Variants in MYT1L observed in about 807,000 individuals in gnomAD.
MYT1L encodes the protein myelin transcription factor 1-like protein.
MYT1L carries 12 observed loss-of-function variants against 126.7 expected under a neutral mutation model. That is an observed-to-expected ratio of 0.09 (90% CI 0.06 to 0.15). The LOEUF (loss-of-function observed/expected upper bound fraction) is 0.15, where lower values mean the gene tolerates loss of function less well. Ranked by LOEUF, MYT1L falls within the 10% of genes least tolerant of loss-of-function variation. The pLI, the probability that MYT1L is intolerant of heterozygous loss-of-function variation, is 1.00. For synonymous variants in MYT1L, 541 were observed against 604.2 expected, an observed-to-expected ratio of 0.90 and a Z score of 1.53; for missense variants, 979 against 1,585.2, an observed-to-expected ratio of 0.62 and a Z score of 6.49.
intron 1 of MYT1L, chr2:2,303,421 A>AAG (rs2095814590): frequency 6.6e-6 from 1 of 152,428 alleles, no homozygotes; most frequent in Admixed American, 6.5e-5. Flanking sequence ...GCCAGTTCCT[A>AAG]CCAACTGATG....
intron 3 of MYT1L, among the ~76,000 whole-genome samples, chr2:2,129,167 C>G (rs1175231105): frequency 6.6e-6 from 1 of 152,194 alleles, no homozygotes; most frequent in African/African-American, 2.4e-5. Context: ...TGTGGTGATG[C>G]AGCAGATGCC....
chr2:1,793,418 C>A lies in MYT1L; in HGVS notation c.3277-954G>T, dbSNP rs559348691. Among the ~76,000 whole-genome samples the A allele has an allele frequency of 6.6e-6, 1 of 152,174 alleles. No homozygotes were observed. The highest frequency in any genetic ancestry group is 1.5e-5 in the Non-Finnish European group (1 of 68,026). The stretch of plus-strand genomic sequence containing the variant: ...GGGGCTTCTTCCTGGAAGACCGGGC[C>A]GACCCGCAGAGTCCAGGGCTGGCTT... On this transcript the variant is annotated intron_variant, in intron 23 of 24. Transcript: ENST00000647738. This position sits in a 1 kb window ranked among gnomAD's most constrained non-coding sequence, Gnocchi z 4.6.
chr2:2,262,180 G>A (rs2094985501), intron 2 of MYT1L, among the ~76,000 whole-genome samples: 1 of 152,120 alleles, frequency 6.6e-6, no homozygotes, highest in Non-Finnish European at 1.5e-5. Context: ...TGTGAAGTAG[G>A]TAAATAATCA....
In MYT1L at chr2:2,039,524, G is replaced by C. The variant is rs370035874; in HGVS notation, c.-158+14454C>G. 1.2e-4 allele frequency among the ~76,000 whole-genome samples: 18 copies of C among 152,304 alleles called. No individual in the cohort carries two copies. The East Asian group carries it at 1.7e-3, about 15-fold the overall frequency. ...TGACTGTTAGGGAAGTTTACCATTTGCAGGAATGTTCAAAGGTGAATTTAT... is the reference window on the plus strand; with the variant it reads ...TGACTGTTAGGGAAGTTTACCATTTCCAGGAATGTTCAAAGGTGAATTTAT... On this transcript the variant is annotated intron_variant, in intron 4 of 24. Transcript: ENST00000647738.
At chr2:1,809,051 C>G in intron 22 of MYT1L, 25 bp downstream of exon 22, 1 of 1,610,080 alleles carries the variant, frequency 6.2e-7, no homozygotes, top group Non-Finnish European at 8.5e-7. Context: ...ACCATGGGTG[C>G]CACGAGGGCT....
intron 1 of MYT1L, chr2:2,303,390 A>G (rs1012563686): frequency 1.3e-5 from 2 of 152,418 alleles, no homozygotes; most frequent in Non-Finnish European, 1.5e-5. Flanking sequence ...CAGCACCATT[A>G]TCAGTACAGA....
At chr2:2,257,900 T>C (rs1297812506) in intron 2 of MYT1L, among the ~76,000 whole-genome samples, 1 of 143,322 alleles carries the variant, frequency 7.0e-6, no homozygotes, top group African/African-American at 2.7e-5. Flanking sequence ...TACTTTAAAG[T>C]TCATATGGAA....
intron 2 of MYT1L, among the ~76,000 whole-genome samples, chr2:2,240,581 C>A (rs554013468): frequency 8.7e-4 from 132 of 152,240 alleles, no homozygotes; most frequent in Middle Eastern, 6.8e-3. Flanking sequence ...ACGTTCTAAT[C>A]CTTTGTCTAA....
intron 1 of MYT1L, among the ~76,000 whole-genome samples, chr2:2,311,611 TGTTG>T (rs1298758496): frequency 6.6e-6 from 1 of 151,764 alleles, no homozygotes; most frequent in Non-Finnish European, 1.5e-5. Flanking sequence ...TGAACAGGAG[TGTTG>T]TGCATGCTTG....
chr2:1,881,151 G>A (rs542343944), intron 18 of MYT1L, among the ~76,000 whole-genome samples: 59 of 152,292 alleles, frequency 3.9e-4, no homozygotes, highest in Middle Eastern at 6.8e-3. Flanking sequence ...GAGAGGAGGA[G>A]GAGGCAGGAA....
At chr2:1,814,676 C>T (rs1572486508) in intron 21 of MYT1L, among the ~76,000 whole-genome samples, 1 of 152,130 alleles carries the variant, frequency 6.6e-6, no homozygotes, top group African/African-American at 2.4e-5. Flanking sequence ...TGGGTCTTGC[C>T]GCAGAATTTT....
chr2:1,961,442 C>A (rs2058951618), intron 8 of MYT1L, among the ~76,000 whole-genome samples: 2 of 152,230 alleles, frequency 1.3e-5, no homozygotes, highest in Non-Finnish European at 2.9e-5. Context: ...CTGTATCTGT[C>A]CCTGGTTAGC....
intron 22 of MYT1L, chr2:1,802,058 G>A (rs1192277330): frequency 5.7e-6 from 2 of 351,172 alleles, no homozygotes; most frequent in Admixed American, 4.7e-5. Flanking sequence ...TTTGAGGGTC[G>A]AGCTCCCAGG....
At chr2:1,921,381 C>T (rs1400479290) in intron 10 of MYT1L, among the ~76,000 whole-genome samples, 1 of 152,152 alleles carries the variant, frequency 6.6e-6, no homozygotes, top group Non-Finnish European at 1.5e-5. Flanking sequence ...GTCTTCTTTA[C>T]AAACATGAAG....
intron 9 of MYT1L, among the ~76,000 whole-genome samples, chr2:1,933,801 G>A (rs1383419372): frequency 6.6e-6 from 1 of 152,100 alleles, no homozygotes; most frequent in African/African-American, 2.4e-5. Flanking sequence ...AGCCACATAG[G>A]CCAACCCACA....
intron 3 of MYT1L, among the ~76,000 whole-genome samples, chr2:2,105,491 T>G (rs2078641766): frequency 6.6e-6 from 1 of 152,228 alleles, no homozygotes; most frequent in Admixed American, 6.5e-5. Context: ...TTTTCTCCTC[T>G]TTATTTCTGC....
At position 1,892,079 on chromosome 2, in the gene MYT1L, C is replaced by A; in HGVS notation, c.2241G>T (p.Pro747=). The A allele has an allele frequency of 6.5e-7, 1 of 1,541,598 alleles. No individual in the cohort carries two copies. Among genetic ancestry groups the A allele is most frequent in the Admixed American group, 2.0e-5 (1 of 50,944 alleles). ...CCTGCGGCTTGGTGCTCAGGTTCTG[C>A]GGCATCTCGCGGCAGCGCGTGGACA... is the stretch of plus-strand genomic sequence containing the variant. The part of the protein sequence containing the change: ...LNLSTRCREM[P]QNLSTKPQDL... The change falls in exon 15 of 25, where the codon CCG becomes CCT. Residue 747 remains proline, a synonymous_variant. Transcript: ENST00000647738.
At chr2:2,082,993 G>T (rs2075996307) in intron 3 of MYT1L, among the ~76,000 whole-genome samples, 1 of 152,056 alleles carries the variant, frequency 6.6e-6, no homozygotes, top group Admixed American at 6.5e-5. Context: ...GGAGTGGAAG[G>T]GATACTGTGA....
intron 3 of MYT1L, among the ~76,000 whole-genome samples, chr2:2,122,872 T>TGTGTGTGAGAGAGAGAGAGAGA (rs553951630): frequency 1.5e-5 from 2 of 132,992 alleles, no homozygotes; most frequent in African/African-American, 5.9e-5. Flanking sequence ...TGTGTGTGTG[T>TGTGTGTGAGAGAGAGAGAGAGA]GAGAGAGAGA....
Sources: gnomAD v4.1 joint callset for allele counts (sites outside exome capture counted in the v4.1 genomes callset) on GRCh38, gnomAD v4.1.1 for gene constraint, Gnocchi (gnomAD v3.1) non-coding constraint, MANE v1.5 for transcripts, NCBI Gene and HGNC (gene_info 2026-07-23, HGNC 2026-07-21) for gene names.